The following RPN1 variants were observed in gnomAD, a reference collection of about 807,000 sequenced individuals.
The protein encoded by RPN1 is dolichyl-diphosphooligosaccharide--protein glycosyltransferase subunit 1.
In RPN1, 12 loss-of-function variants were observed where a neutral mutation model predicts 55.5. The ratio of observed to expected loss-of-function variants is 0.22; its 90% confidence interval spans 0.14 to 0.35. The LOEUF (loss-of-function observed/expected upper bound fraction) is 0.35, where lower values mean the gene tolerates loss of function less well. RPN1 is among the 10% of genes least tolerant of loss of function. The pLI is 1.00. For synonymous variants in RPN1, 317 were observed against 305.9 expected (o/e 1.04, Z -0.38); for missense variants, 679 against 761.3 (o/e 0.89, Z 1.27).
intron 1 of RPN1, among the ~76,000 whole-genome samples, chr3:128,647,176 A>G (rs1391006213): frequency 6.6e-6 from 1 of 152,152 alleles, no homozygotes; most frequent in African/African-American, 2.4e-5. Context: ...GGGTATACAT[A>G]TCCCACTGAT....
In RPN1 at chr3:128,645,003, T is replaced by C. The variant is rs780985376; in HGVS notation, c.262-20A>G. ...CTTTACCTACAACAGAAAAAGATAG[T>C]TTATTATTCATGTCTTTTGGCTTCT... On this transcript the variant is annotated intron_variant, in intron 1 of 9. Coordinates refer to ENST00000296255, the MANE Select transcript of RPN1 (RefSeq NM_002950.4). The C allele has an allele frequency of 2.8e-6, 4 of 1,425,508 alleles. No individual in the cohort carries two copies. The highest frequency in any genetic ancestry group is 4.0e-6 in the Non-Finnish European group (4 of 1,008,762). 88.3% of individuals were successfully genotyped at this position (1,425,508 alleles called of 1,614,324 possible). A position where few individuals can be genotyped will look rare whatever the true frequency, so the allele number is the denominator to read the frequency against.
chr3:128,643,200 G>A (rs1438700263), intron 2 of RPN1, among the ~76,000 whole-genome samples: 4 of 146,908 alleles, frequency 2.7e-5, no homozygotes, highest in Admixed American at 6.9e-5. Context: ...GGTAGCGGAC[G>A]CCTATAATCC....
Position 128,622,244 on chromosome 3 carries a change from T to C in RPN1, c.1561A>G (p.Thr521Ala). 1.9e-6 allele frequency: 3 copies of C among 1,614,180 alleles called. No individual in the cohort carries two copies. The highest frequency in any genetic ancestry group is 2.5e-6 in the Non-Finnish European group (3 of 1,179,980). Residue 521 changes from threonine (T) to alanine (A), a missense_variant, in exon 9 of 10, where the codon ACT becomes GCT. Around this residue, in one of 3 missense-constraint regions of RPN1, gnomAD observed 306 missense variants for 360.0 expected, o/e 0.85. Transcript: ENST00000296255. ...TLNSGKKSLE[T>A]EHKALTSEIA... ...TCACTGGTCAAGGCCTTGTGTTCAGTCTCCAGGCTCTTCTTGCCACTGTTG... is the reference window on the plus strand; with the variant it reads ...TCACTGGTCAAGGCCTTGTGTTCAGCCTCCAGGCTCTTCTTGCCACTGTTG...
intron 6 of RPN1, 138 bp from the exon 7 acceptor site, chr3:128,626,150 T>C: frequency 1.2e-6 from 1 of 827,324 alleles, no homozygotes; most frequent in Non-Finnish European, 1.8e-6. Context: ...CCTTCTCAGC[T>C]ATGGAGAACA....
At chr3:128,634,446 A>C (rs2069662669) in intron 3 of RPN1, among the ~76,000 whole-genome samples, 1 of 152,146 alleles carries the variant, frequency 6.6e-6, no homozygotes, top group African/African-American at 2.4e-5. Context: ...TAAGCATAAT[A>C]AGTACATTAA....
Position 128,637,791 on chromosome 3 carries a change from G to C in RPN1, c.633+8C>G, listed in dbSNP as rs769667161. 1.9e-6 allele frequency: 3 copies of C among 1,609,322 alleles called. No homozygotes were observed. The highest frequency in any genetic ancestry group is 2.2e-5 in the South Asian group (2 of 90,932). Reference sequence around the variant, plus strand: ...GACAGGGATGGGCTGGACTCCACCTGAGCTTACCTGACTATAGGCAGGCAC... The same window carrying C: ...GACAGGGATGGGCTGGACTCCACCTCAGCTTACCTGACTATAGGCAGGCAC... On this transcript the variant is annotated splice_region_variant and intron_variant, in intron 3 of 9. Transcript: ENST00000296255.
chr3:128,629,459 G>A (rs2069626098), intron 5 of RPN1, among the ~76,000 whole-genome samples: 1 of 152,100 alleles, frequency 6.6e-6, no homozygotes, highest in Non-Finnish European at 1.5e-5. Context: ...CTACTCAGGA[G>A]GCTGAGGCAG....
chr3:128,622,434 G>A (rs201990803), intron 8 of RPN1, 25 bp from the exon 9 acceptor site: 3 of 1,613,228 alleles, frequency 1.9e-6, no homozygotes, highest in East Asian at 4.5e-5. Context: ...GGCACCATGT[G>A]TGACAACATC....
intron 8 of RPN1, among the ~76,000 whole-genome samples, chr3:128,623,927 C>T (rs938858339): frequency 1.3e-5 from 2 of 151,946 alleles, no homozygotes; most frequent in Non-Finnish European, 2.9e-5. Context: ...ACATGCTCAA[C>T]TATTCAAGGG....
rs777405053 is a variant in RPN1 at position 128,650,783 on chromosome 3, G to T, written c.18C>A (p.Ala6=). The change falls in exon 1 of 10, where the codon GCC becomes GCA. Residue 6 remains alanine, a synonymous_variant. Coordinates refer to ENST00000296255, the MANE Select transcript of RPN1 (RefSeq NM_002950.4). MEAPA[A]GLFLLLLLGT... is the part of the protein sequence containing the mutation. The stretch of plus-strand genomic sequence containing the variant: ...CAAGCAACAGGAGCAGAAACAAGCC[G>T]GCGGCTGGCGCCTCCATGACCGGGA... 2 of 1,536,732 alleles carry T rather than the reference G, an allele frequency of 1.3e-6. No homozygotes were observed. Among genetic ancestry groups the T allele is most frequent in the Non-Finnish European group, 1.8e-6 (2 of 1,139,248 alleles).
At chr3:128,623,707 A>C (rs1022612151) in intron 8 of RPN1, among the ~76,000 whole-genome samples, 1 of 152,124 alleles carries the variant, frequency 6.6e-6, no homozygotes, top group Non-Finnish European at 1.5e-5. Flanking sequence ...GATGTTGGTC[A>C]ACAGTACTAA....
At chr3:128,633,322 C>A (rs1485367821) in intron 3 of RPN1, among the ~76,000 whole-genome samples, 1 of 151,660 alleles carries the variant, frequency 6.6e-6, no homozygotes, top group Admixed American at 6.6e-5. Context: ...ACCTCCTGGG[C>A]TCAAGCAATC....
intron 3 of RPN1, among the ~76,000 whole-genome samples, chr3:128,636,043 T>C (rs979249425): frequency 6.6e-6 from 1 of 152,202 alleles, no homozygotes; most frequent in African/African-American, 2.4e-5. Flanking sequence ...ACTTGTTATA[T>C]GTAATTTTGA....
In RPN1 at chr3:128,625,613, G is replaced by A. The variant is rs575084947; in HGVS notation, c.1316C>T (p.Pro439Leu). The change falls in exon 8 of 10, where the codon CCC becomes CTC. Residue 439 changes from proline to leucine, a missense_variant. Physicochemically the swap from Pro to Leu is moderately conservative, Grantham distance 98 (BLOSUM62 -3). This residue lies in a region of RPN1 where 306 missense variants were observed against 360.0 expected (regional missense o/e 0.85). Coordinates refer to ENST00000296255, the MANE Select transcript of RPN1 (RefSeq NM_002950.4). ...TFNKVLMLQE[P>L]LLVVAAFYIL... ...GTAGAAGGCCGCCACCACCAGCAGGGGCTCCTGCAGCATGAGCACCTTGTT... is the reference window on the plus strand; with the variant it reads ...GTAGAAGGCCGCCACCACCAGCAGGAGCTCCTGCAGCATGAGCACCTTGTT... 6 of 1,614,000 alleles carry A rather than the reference G, an allele frequency of 3.7e-6. No individual in the cohort carries two copies. In the South Asian group the frequency reaches 5.5e-5, roughly 15 times the overall value.
At chr3:128,622,753 C>T (rs375313600) in intron 8 of RPN1, among the ~76,000 whole-genome samples, 1 of 151,942 alleles carries the variant, frequency 6.6e-6, no homozygotes, top group South Asian at 2.1e-4. Context: ...AAAAATTAGC[C>T]GGGCATGGTG....
At chr3:128,635,419 A>G (rs866931131) in intron 3 of RPN1, among the ~76,000 whole-genome samples, 1 of 151,354 alleles carries the variant, frequency 6.6e-6, no homozygotes, top group East Asian at 1.9e-4. Context: ...TCGTACCTCA[A>G]CCTCCCTAGT....
chr3:128,620,664 C>G (rs2069552536), intron 9 of RPN1, 71 bp from the exon 10 acceptor site: 1 of 1,499,986 alleles, frequency 6.7e-7, no homozygotes, highest in African/African-American at 1.4e-5. Context: ...CCCACCATCT[C>G]CCAGGCCTAC....
At chr3:128,648,198 C>A (rs1438892369) in intron 1 of RPN1, among the ~76,000 whole-genome samples, 2 of 152,118 alleles carry the variant, frequency 1.3e-5, no homozygotes, top group African/African-American at 4.8e-5. Flanking sequence ...TCAAGACCAT[C>A]CTGGCCAACA....
intron 8 of RPN1, 88 bp from the exon 9 acceptor site, chr3:128,622,497 G>C: frequency 3.3e-6 from 5 of 1,530,874 alleles, no homozygotes; most frequent in Non-Finnish European, 4.5e-6. Context: ...GCCACCAGCA[G>C]CCATCCAAAA....
Sources: gnomAD v4.1 joint callset for allele counts (sites outside exome capture counted in the v4.1 genomes callset) on GRCh38, gnomAD v4.1.1 for gene constraint, gnomAD v4.1.1 regional missense constraint, MANE v1.5 for transcripts, NCBI Gene and HGNC (gene_info 2026-07-23, HGNC 2026-07-21) for gene names.